The following PGAP1 variants were observed in gnomAD, a reference collection of about 807,000 sequenced individuals.
The protein encoded by PGAP1 is post-GPI attachment to proteins inositol deacylase 1.
In PGAP1, 76 loss-of-function variants were observed where a neutral mutation model predicts 127.0. The observed-to-expected ratio is 0.60, with a 90% CI of 0.50 to 0.72. The LOEUF is 0.72. Ranked by LOEUF, PGAP1 falls within the 30% of genes least tolerant of loss-of-function variation. PGAP1 has a pLI of 0.00. For missense variants in PGAP1, 982 were observed against 1,071.3 expected, an observed-to-expected ratio of 0.92 and a Z score of 1.16; for synonymous variants, 362 against 366.5, an observed-to-expected ratio of 0.99 and a Z score of 0.14.
intron 25 of PGAP1, 116 bp from the exon 26 acceptor site, chr2:196,842,941 G>A (rs1429273699): frequency 2.3e-5 from 10 of 443,646 alleles, no homozygotes; most frequent in Non-Finnish European, 3.6e-5. Context: ...GGATATAAGA[G>A]AGCTCTAAAT....
At chr2:196,919,691 A>C (rs752707960) in intron 2 of PGAP1, among the ~76,000 whole-genome samples, 5 of 152,106 alleles carry the variant, frequency 3.3e-5, no homozygotes, top group Non-Finnish European at 7.4e-5. Flanking sequence ...CTCCATTTCC[A>C]ACATAAATGT....
chr2:196,892,541 A>T, intron 8 of PGAP1, 140 bp from the exon 9 acceptor site: 2 of 474,318 alleles, frequency 4.2e-6, no homozygotes, highest in Non-Finnish European at 7.5e-6. Flanking sequence ...TTAAAACAGA[A>T]AATCTAGTAA....
At position 196,845,588 on chromosome 2, in the gene PGAP1, T is replaced by TA. The variant is rs201051791; in HGVS notation, c.2286+293dup. ...AATATAAACTGCCCTAGTGAAATGT[T>TA]AAAAAAAAAAAAAAATTTAACACTT... On this transcript the variant is annotated intron_variant, in intron 23 of 26. Transcript: ENST00000354764. Among the ~76,000 whole-genome samples the TA allele has an allele frequency of 0.05, 7,104 of 140,682 alleles. 224 individuals carry two copies. Among genetic ancestry groups the TA allele is most frequent in the South Asian group, 0.12 (547 of 4,484 alleles). 92.3% of individuals were successfully genotyped at this position (140,682 alleles called of 152,430 possible). A position where few individuals can be genotyped will look rare whatever the true frequency, so the allele number is the denominator to read the frequency against.
At chr2:196,853,203 T>A (rs1355989535) in intron 20 of PGAP1, among the ~76,000 whole-genome samples, 1 of 152,240 alleles carries the variant, frequency 6.6e-6, no homozygotes, top group Non-Finnish European at 1.5e-5. Flanking sequence ...TCTCTCCCTT[T>A]GAGAAGGCCT....
intron 20 of PGAP1, 23 bp downstream of exon 20, chr2:196,864,964 T>G (rs1471292572): frequency 7.3e-7 from 1 of 1,364,772 alleles, no homozygotes; most frequent in African/African-American, 1.5e-5. Flanking sequence ...CAAAAGTAAC[T>G]TAAAAATTAG....
At chr2:196,899,952 C>T (rs1220201075) in intron 5 of PGAP1, among the ~76,000 whole-genome samples, 1 of 152,204 alleles carries the variant, frequency 6.6e-6, no homozygotes, top group Non-Finnish European at 1.5e-5. Flanking sequence ...GCAGAAGAAT[C>T]GCTTGAACCC....
intron 8 of PGAP1, 111 bp downstream of exon 8, chr2:196,893,029 C>T: frequency 1.9e-6 from 1 of 534,248 alleles, no homozygotes; most frequent in Non-Finnish European, 3.3e-6. Context: ...TAATAGGATC[C>T]TAAAACTTGA....
At position 196,872,863 on chromosome 2, in the gene PGAP1, T is replaced by G. The variant is rs3795915; in HGVS notation, c.1619+97A>C. ...ATAAAGGATACATACATTTTACTGA[T>G]GCATTTTAATAATTCATGATTTAAA... is the stretch of plus-strand genomic sequence containing the variant. On this transcript the variant is annotated intron_variant, in intron 17 of 26. Transcript: ENST00000354764. 137,934 of 619,516 alleles carry G rather than the reference T, an allele frequency of 0.22. 17,637 individuals carry two copies. The highest frequency in any genetic ancestry group is 0.45 in the African/African-American group (23,041 of 51,008). The allele number at this position is 619,516 out of a possible 1,614,324, so 38.4% of individuals were successfully genotyped here.
At chr2:196,863,297 C>A (rs1701126978) in intron 20 of PGAP1, among the ~76,000 whole-genome samples, 1 of 152,146 alleles carries the variant, frequency 6.6e-6, no homozygotes, top group African/African-American at 2.4e-5. Context: ...TCACTATTCA[C>A]AATGGCCAAA....
chr2:196,923,274 C>T (rs1029071812), intron 1 of PGAP1, among the ~76,000 whole-genome samples: 4 of 152,126 alleles, frequency 2.6e-5, no homozygotes, highest in Non-Finnish European at 4.4e-5. Flanking sequence ...CAGCGCATTA[C>T]CACCTTCACA....
chr2:196,922,393 A>G (rs1319752882), intron 1 of PGAP1: 54 of 984,920 alleles, frequency 5.5e-5, no homozygotes, highest in Non-Finnish European at 5.9e-5. Context: ...ATAGTTTTTA[A>G]GTTCTCACAA....
At position 196,840,894 on chromosome 2, in the gene PGAP1, A is replaced by C. The variant is rs956451656; in HGVS notation, c.*340T>G. The C allele has an allele frequency of 1.1e-5, 2 of 184,434 alleles. No individual in the cohort carries two copies. The highest frequency in any genetic ancestry group is 4.7e-5 in the African/African-American group (2 of 42,794). The allele number at this position is 184,434 out of a possible 1,614,324, so 11.4% of individuals were successfully genotyped here. ...GCAGAATGCTTGCAGTGAGACTGCA[A>C]ATAATGCTGCATCTACTAAATCTCT... On this transcript the variant is annotated 3_prime_UTR_variant, in exon 27 of 27. Coordinates refer to ENST00000354764, the MANE Select transcript of PGAP1 (RefSeq NM_024989.4).
chr2:196,847,875 G>T, intron 21 of PGAP1, 72 bp downstream of exon 21: 2 of 1,115,042 alleles, frequency 1.8e-6, no homozygotes, highest in Non-Finnish European at 2.5e-6. Context: ...AATTTATATT[G>T]CATTATGGAA....
At chr2:196,923,816 A>G (rs899646854) in intron 1 of PGAP1, among the ~76,000 whole-genome samples, 2 of 152,126 alleles carry the variant, frequency 1.3e-5, no homozygotes, top group African/African-American at 4.8e-5. Flanking sequence ...GCACGCCAAC[A>G]TTTCCTTTCA....
chr2:196,867,004 G>A (rs982398844), intron 19 of PGAP1, among the ~76,000 whole-genome samples: 1 of 152,160 alleles, frequency 6.6e-6, no homozygotes, highest in Non-Finnish European at 1.5e-5. Flanking sequence ...ACAGGATGTG[G>A]AGAAACAGGA....
chr2:196,862,378 A>G (rs1380318594), intron 20 of PGAP1, among the ~76,000 whole-genome samples: 1 of 152,104 alleles, frequency 6.6e-6, no homozygotes, highest in Non-Finnish European at 1.5e-5. Flanking sequence ...TCCTGATAAG[A>G]TGTTATCAAT....
rs1051378468 is a variant in PGAP1 at position 196,834,440 on chromosome 2, C to G, written c.*6794G>C. ...TGTACAGTTATAAAATTGCAGGGCACTCTTTATCATTTCAAGGCACACTCT... is the reference window on the plus strand; with the variant it reads ...TGTACAGTTATAAAATTGCAGGGCAGTCTTTATCATTTCAAGGCACACTCT... On this transcript the variant is annotated 3_prime_UTR_variant, in exon 27 of 27. Coordinates refer to ENST00000354764, the MANE Select transcript of PGAP1 (RefSeq NM_024989.4). The G allele has an allele frequency of 2.0e-5, 3 of 152,344 alleles. No individual in the cohort carries two copies. The highest frequency in any genetic ancestry group is 4.8e-5 in the African/African-American group (2 of 41,400). The allele number at this position is 152,344 out of a possible 1,614,324, so 9.4% of individuals were successfully genotyped here. A position where few individuals can be genotyped will look rare whatever the true frequency, so the allele number is the denominator to read the frequency against.
intron 4 of PGAP1, among the ~76,000 whole-genome samples, chr2:196,903,560 C>CAAAAAAAAAAAAA (rs11312715): frequency 1.3e-5 from 1 of 79,324 alleles, no homozygotes; most frequent in Non-Finnish European, 2.6e-5. Context: ...GACTCTGTCT[C>CAAAAAAAAAAAAA]AAAAAAAAAA....
At chr2:196,896,725 G>A (rs1038659942) in intron 7 of PGAP1, among the ~76,000 whole-genome samples, 46 of 150,716 alleles carry the variant, frequency 3.1e-4, no homozygotes, top group African/African-American at 1.1e-3. Flanking sequence ...AGCTCCTCAG[G>A]AGGCTAGGTG....
Sources: gnomAD v4.1 joint callset for allele counts (sites outside exome capture counted in the v4.1 genomes callset) on GRCh38, gnomAD v4.1.1 for gene constraint, MANE v1.5 for transcripts, NCBI Gene and HGNC (gene_info 2026-07-23, HGNC 2026-07-21) for gene names.